Variants in XDH observed in about 807,000 individuals in gnomAD.
XDH encodes the protein xanthine dehydrogenase/oxidase.
Under a neutral mutation model 156.1 loss-of-function variants are expected in XDH, and 138 were observed. That is an observed-to-expected ratio of 0.88 (90% CI 0.77 to 1.02). The LOEUF is 1.02. Among genes scored for constraint, XDH ranks in the 50% least tolerant of loss-of-function variants. The probability of loss-of-function intolerance (pLI) is 0.00; values close to 1 mark genes in which losing one functional copy is unlikely to be tolerated. For synonymous variants in XDH, 669 were observed against 625.7 expected (o/e 1.07, Z -1.03); for missense variants, 1,849 against 1,684.9 (o/e 1.10, Z -1.71).
At chr2:31,348,775 G>T in intron 27 of XDH, 124 bp downstream of exon 27, 1 of 861,688 alleles carries the variant, frequency 1.2e-6, no homozygotes, top group Non-Finnish European at 1.9e-6. Flanking sequence ...CATTTAAAGA[G>T]CAAAGAGTTC....
chr2:31,413,060 A>G (rs1687385179), intron 1 of XDH, among the ~76,000 whole-genome samples: 1 of 152,358 alleles, frequency 6.6e-6, no homozygotes, highest in African/African-American at 2.4e-5. Context: ...GATTTAGTGC[A>G]TAACAGCAAG....
chr2:31,357,275 A>C (rs1229083326), intron 24 of XDH, among the ~76,000 whole-genome samples: 2 of 152,206 alleles, frequency 1.3e-5, no homozygotes, highest in Non-Finnish European at 2.9e-5. Context: ...ATTGAAAACA[A>C]ACACAATAGA....
chr2:31,373,281 C>G (rs1395415070), intron 16 of XDH, among the ~76,000 whole-genome samples: 1 of 152,196 alleles, frequency 6.6e-6, no homozygotes, highest in Non-Finnish European at 1.5e-5. Flanking sequence ...CGACTACACT[C>G]TAGTGTGCAG....
At position 31,366,946 on chromosome 2, in the gene XDH, C is replaced by A. The variant is rs755854585; in HGVS notation, c.2246G>T (p.Cys749Phe). Residue 749 changes from cysteine to phenylalanine, a missense_variant, in exon 21 of 36, where the codon TGC (cysteine) becomes TTC (phenylalanine). Coordinates refer to ENST00000379416, the MANE Select transcript of XDH (RefSeq NM_000379.4). ...CTCGCCTTTTGGAACAGCAATGGTGCAGTGAGTCTCCAGGTAGAAGTGCTC... is the reference window on the plus strand; with the variant it reads ...CTCGCCTTTTGGAACAGCAATGGTGAAGTGAGTCTCCAGGTAGAAGTGCTC... Reference protein sequence around the residue: ...GQEHFYLETHCTIAVPKGEAG... With the variant: ...GQEHFYLETHFTIAVPKGEAG... 2 of 1,614,126 alleles carry A rather than the reference C, an allele frequency of 1.2e-6. No homozygotes were observed. Among genetic ancestry groups the A allele is most frequent in the African/African-American group, 2.7e-5 (2 of 75,074 alleles).
intron 24 of XDH, among the ~76,000 whole-genome samples, chr2:31,353,507 G>A (rs551212297): frequency 6.6e-6 from 1 of 152,060 alleles, no homozygotes; most frequent in Admixed American, 6.5e-5. Context: ...AAAAAAAAAG[G>A]CAGTCCCAGT....
chr2:31,378,175 G>GAAAGAAGGAAGGAAGGAAGC lies in XDH; in HGVS notation c.1243-939_1243-938insGCTTCCTTCCTTCCTTCTTT, dbSNP rs1686325503. 6.7e-4 allele frequency among the ~76,000 whole-genome samples: 48 copies of GAAAGAAGGAAGGAAGGAAGC among 71,596 alleles called. 3 individuals carry two copies. Among genetic ancestry groups the GAAAGAAGGAAGGAAGGAAGC allele is most frequent in the African/African-American group, 2.5e-3 (43 of 17,136 alleles). The allele number at this position is 71,596 out of a possible 152,430, so 47.0% of individuals were successfully genotyped here. On this transcript the variant is annotated intron_variant, in intron 13 of 35. Coordinates refer to ENST00000379416, the MANE Select transcript of XDH (RefSeq NM_000379.4). The stretch of plus-strand genomic sequence containing the variant: ...GGAAGGAAGGAAGGAAGGAAGGAAG[G>GAAAGAAGGAAGGAAGGAAGC]AAGCAAGCAAGCAAGCAAAGCAAGA...
chr2:31,346,421 G>A (rs1685293861), intron 30 of XDH, among the ~76,000 whole-genome samples: 1 of 152,176 alleles, frequency 6.6e-6, no homozygotes. Context: ...GGGACAAGCG[G>A]GGTGTGGGAG....
intron 31 of XDH, 93 bp from the exon 32 acceptor site, chr2:31,342,390 C>T (rs1685149132): frequency 8.7e-7 from 1 of 1,146,036 alleles, no homozygotes; most frequent in Non-Finnish European, 1.3e-6. Flanking sequence ...CATCTTTAAA[C>T]CCCACAAGTT....
rs536937332 is a variant in XDH, at chr2:31,365,832, A to G, written c.2456+144T>C. On this transcript the variant is annotated intron_variant, in intron 22 of 35. Transcript: ENST00000379416. The stretch of plus-strand genomic sequence containing the variant: ...CGATGTTACCCTCCCACTATGCCCA[A>G]GGGTTCTAAAAACAGAGGGCTGTGA... 9 of 1,400,050 alleles carry G rather than the reference A, an allele frequency of 6.4e-6. No homozygotes were observed. The East Asian group carries it at 2.2e-4, about 35-fold the overall frequency. 86.7% of individuals were successfully genotyped at this position (1,400,050 alleles called of 1,614,324 possible).
rs542321750 is a variant in XDH at position 31,341,338 on chromosome 2, A to G, written c.3576T>C (p.Asp1192=). The change falls in exon 33 of 36, where the codon GAT becomes GAC. Residue 1192 remains aspartate, a synonymous_variant. Transcript: ENST00000379416. ...TCCCACTGAGCCTCACCTGTCCAAT[A>G]TCAATGGCAGGGTTTAGACTGGAGC... ...DVGSSLNPAI[D]IGQVEGAFVQ... 2.4e-5 allele frequency: 38 copies of G among 1,573,812 alleles called. No individual in the cohort carries two copies. The South Asian group carries it at 3.6e-4, about 15-fold the overall frequency.
chr2:31,377,942 G>C (rs1182617445), intron 13 of XDH, among the ~76,000 whole-genome samples: 1 of 151,160 alleles, frequency 6.6e-6, no homozygotes, highest in African/African-American at 2.4e-5. Flanking sequence ...GATCACTTGA[G>C]CCTGGGACAT....
intron 35 of XDH, 54 bp from the exon 36 acceptor site, chr2:31,336,062 C>T (rs990181191): frequency 1.9e-6 from 3 of 1,589,118 alleles, no homozygotes; most frequent in Middle Eastern, 1.7e-4. Context: ...CATGCTCCTC[C>T]CACTCTCTTG....
At chr2:31,353,832 G>A (rs759793087) in intron 24 of XDH, among the ~76,000 whole-genome samples, 3 of 152,144 alleles carry the variant, frequency 2.0e-5, no homozygotes, top group Non-Finnish European at 2.9e-5. Context: ...ACATTCATGA[G>A]GCTGTTATGA....
intron 2 of XDH, among the ~76,000 whole-genome samples, chr2:31,404,508 T>G (rs1264550866): frequency 6.6e-6 from 1 of 152,250 alleles, no homozygotes; most frequent in East Asian, 1.9e-4. Context: ...CTTTCAGTTT[T>G]GCATTTCATT....
chr2:31,371,870 G>A (rs980046428), intron 17 of XDH, among the ~76,000 whole-genome samples: 1 of 152,104 alleles, frequency 6.6e-6, no homozygotes, highest in African/African-American at 2.4e-5. Context: ...TGCTCAGCAG[G>A]GTATGTGTCT....
chr2:31,337,610 G>A, intron 35 of XDH, 31 bp downstream of exon 35: 1 of 1,613,270 alleles, frequency 6.2e-7, no homozygotes, highest in African/African-American at 1.3e-5. Flanking sequence ...GGCCTCCCCT[G>A]GACTGAGTGG....
Position 31,373,922 on chromosome 2 carries a change from G to T in XDH, c.1637C>A (p.Ala546Glu). ...CGKLDPTFAS[A>E]TLLFQKDPPA... is the part of the protein sequence containing the mutation. ...GGGGTCTTTCTGAAACAGTAAAGTTGCACTGGCGAAAGTGGGGTCCAGTTT... is the reference window on the plus strand; with the variant it reads ...GGGGTCTTTCTGAAACAGTAAAGTTTCACTGGCGAAAGTGGGGTCCAGTTT... The change falls in exon 16 of 36, where the codon GCA becomes GAA. Residue 546 changes from alanine to glutamate, a missense_variant. Ala to Glu is a moderately radical substitution (Grantham distance 107). Transcript: ENST00000379416. 6.2e-7 allele frequency: 1 copy of T among 1,613,974 alleles called. No homozygotes were observed.
At position 31,381,653 on chromosome 2, in the gene XDH, T is replaced by C; in HGVS notation, c.1112A>G (p.Lys371Arg). 1 of 1,614,170 alleles carries C rather than the reference T, an allele frequency of 6.2e-7. No individual in the cohort carries two copies. The highest frequency in any genetic ancestry group is 2.2e-5 in the East Asian group (1 of 44,870). ...CTCACCTCTGGACACAAGTGTCAGC[T>C]TGGCCCCACTGGCCATGAACACGGG... is the stretch of plus-strand genomic sequence containing the variant. ...LNPVFMASGA[K>R]LTLVSRGTRR... The change falls in exon 12 of 36, where the codon AAG becomes AGG. Residue 371 changes from lysine to arginine, a missense_variant. Transcript: ENST00000379416.
At chr2:31,414,486 AC>A in intron 1 of XDH, 138 bp downstream of exon 1, 1 of 1,268,052 alleles carries the variant, frequency 7.9e-7, no homozygotes, top group African/African-American at 1.5e-5. Flanking sequence ...ATGCAGCGAC[AC>A]CTTTAAAGCG....
Sources: allele counts gnomAD v4.1 joint callset (sites outside exome capture counted in the v4.1 genomes callset), GRCh38; gene constraint gnomAD v4.1.1; transcripts MANE v1.5; gene names NCBI Gene and HGNC (gene_info 2026-07-23, HGNC 2026-07-21).